Variants in KCNC2 observed in about 807,000 individuals in gnomAD.
The protein encoded by KCNC2 is voltage-gated potassium channel KCNC2.
In KCNC2, 21 loss-of-function variants were observed where a neutral mutation model predicts 44.5. The ratio of observed to expected loss-of-function variants is 0.47; its 90% CI spans 0.33 to 0.68. The LOEUF (loss-of-function observed/expected upper bound fraction) is 0.68, where lower values mean the gene tolerates loss of function less well. KCNC2 is among the 30% of genes least tolerant of loss of function. KCNC2 has a pLI of 0.01. For missense variants in KCNC2, 589 were observed against 826.2 expected, an observed-to-expected ratio of 0.71 and a Z score of 3.52; for synonymous variants, 391 against 339.1, an observed-to-expected ratio of 1.15 and a Z score of -1.68.
At chr12:75,068,273 T>C (rs1182027389) in intron 2 of KCNC2, among the ~76,000 whole-genome samples, 1 of 152,110 alleles carries the variant, frequency 6.6e-6, no homozygotes, top group Non-Finnish European at 1.5e-5. Flanking sequence ...CTATTTTAAG[T>C]GGGGCAGTGA....
intron 2 of KCNC2, among the ~76,000 whole-genome samples, chr12:75,089,443 C>A: frequency 6.6e-6 from 1 of 151,718 alleles, no homozygotes; most frequent in Non-Finnish European, 1.5e-5. Context: ...TTGGGCTCTT[C>A]TTTGAAAGAT....
chr12:75,151,163 C>T (rs1026124639), intron 2 of KCNC2, among the ~76,000 whole-genome samples: 1 of 151,890 alleles, frequency 6.6e-6, no homozygotes, highest in Non-Finnish European at 1.5e-5. Context: ...AATAGAAAAA[C>T]CTTGCACAGA....
Position 75,090,620 on chromosome 12 carries a change from A to G in KCNC2, c.688-39303T>C, listed in dbSNP as rs1885394235. On this transcript the variant is annotated intron_variant, in intron 2 of 4. Transcript: ENST00000549446. ...ATTTTTAAGAAATCTCAATGAACCAATTGTTAGAAGCCTTTTCCAAATACC... is the reference window on the plus strand; with the variant it reads ...ATTTTTAAGAAATCTCAATGAACCAGTTGTTAGAAGCCTTTTCCAAATACC... Among the ~76,000 whole-genome samples the G allele has an allele frequency of 2.0e-5, 3 of 151,692 alleles. No homozygotes were observed. The Admixed American group carries it at 2.0e-4, about 10-fold the overall frequency.
Position 75,042,205 on chromosome 12 carries a change from TA to T in KCNC2, c.*899del. The T allele has an allele frequency of 1.5e-6, 2 of 1,366,088 alleles. No homozygotes were observed. Among genetic ancestry groups the T allele is most frequent in the Admixed American group, 3.2e-5 (1 of 31,446 alleles). The allele number at this position is 1,366,088 out of a possible 1,614,324, so 84.6% of individuals were successfully genotyped here. On this transcript the variant is annotated 3_prime_UTR_variant, in exon 5 of 5. Transcript: ENST00000549446. ...TCTGAAAATGATGACAAACCCTGGGTATTTTTTTTTTTTAAAGAGTCTAGAA... is the reference window on the plus strand; with the variant it reads ...TCTGAAAATGATGACAAACCCTGGGTTTTTTTTTTTTTAAAGAGTCTAGAA...
intron 2 of KCNC2, among the ~76,000 whole-genome samples, chr12:75,188,631 G>A (rs934999759): frequency 2.6e-5 from 4 of 151,920 alleles, no homozygotes; most frequent in African/African-American, 9.7e-5. Context: ...GGAGGCTGAG[G>A]CGGGTGGATC....
chr12:75,156,601 C>T (rs555277215), intron 2 of KCNC2, among the ~76,000 whole-genome samples: 266 of 151,772 alleles, frequency 1.8e-3, no homozygotes, highest in South Asian at 8.5e-3. Flanking sequence ...TTTCTTTCAA[C>T]CTCGGTGTCC....
chr12:75,181,927 T>TTTTTTTTTTTTTTTTTTTTTTTTTTC (rs1892606716), intron 2 of KCNC2, among the ~76,000 whole-genome samples: 1 of 80,302 alleles, frequency 1.2e-5, no homozygotes, highest in Non-Finnish European at 2.4e-5. Flanking sequence ...TTTTTTTTTT[T>TTTTTTTTTTTTTTTTTTTTTTTTTTC]TTTTTTTTTT....
At chr12:75,128,136 G>T (rs1328618977) in intron 2 of KCNC2, among the ~76,000 whole-genome samples, 1 of 152,036 alleles carries the variant, frequency 6.6e-6, no homozygotes, top group Non-Finnish European at 1.5e-5. Flanking sequence ...CTCAGAAGTA[G>T]AAATATATTC....
chr12:75,086,677 A>ATAT (rs1471675084), intron 2 of KCNC2, among the ~76,000 whole-genome samples: 2 of 27,700 alleles, frequency 7.2e-5, no homozygotes, highest in African/African-American at 2.6e-4. Context: ...AAAAAAAAAA[A>ATAT]AAAAATATAT....
chr12:75,149,639 C>T lies in KCNC2; in HGVS notation c.687+57658G>A, dbSNP rs537268852. 4.0e-4 allele frequency among the ~76,000 whole-genome samples: 60 copies of T among 151,538 alleles called. No individual in the cohort carries two copies. In the South Asian group the frequency reaches 0.011, roughly 28 times the overall value. On this transcript the variant is annotated intron_variant, in intron 2 of 4. Transcript: ENST00000549446. The stretch of plus-strand genomic sequence containing the variant: ...TCTTCATTACTGCTCAACATTTATA[C>T]GTTAAATAGCCAATGTTTGTTTTAA...
At chr12:75,135,079 T>C (rs1046038964) in intron 2 of KCNC2, among the ~76,000 whole-genome samples, 1 of 152,020 alleles carries the variant, frequency 6.6e-6, no homozygotes, top group African/African-American at 2.4e-5. Flanking sequence ...ATAGCCCAAG[T>C]CACTAAGCCA....
chr12:75,097,728 G>T (rs1331288148), intron 2 of KCNC2, among the ~76,000 whole-genome samples: 2 of 152,108 alleles, frequency 1.3e-5, no homozygotes, highest in African/African-American at 4.8e-5. Flanking sequence ...CAAGGACTTT[G>T]AAGACAGATA....
Position 75,042,717 on chromosome 12 carries a change from C to T in KCNC2, c.*388G>A, listed in dbSNP as rs1430865901. Reference sequence around the variant, plus strand: ...GCAATCAAGATAGGATCCCAGACATCTTCAGAATGGTTTACAGTCACAAGA... The same window carrying T: ...GCAATCAAGATAGGATCCCAGACATTTTCAGAATGGTTTACAGTCACAAGA... On this transcript the variant is annotated 3_prime_UTR_variant, in exon 5 of 5. Transcript: ENST00000549446. 3.4e-6 allele frequency: 4 copies of T among 1,165,756 alleles called. No homozygotes were observed. Among genetic ancestry groups the T allele is most frequent in the South Asian group, 2.7e-5 (1 of 36,980 alleles). 72.2% of individuals were successfully genotyped at this position (1,165,756 alleles called of 1,614,324 possible).
intron 2 of KCNC2, among the ~76,000 whole-genome samples, chr12:75,136,642 G>GTAATT (rs1889251059): frequency 6.6e-6 from 1 of 151,954 alleles, no homozygotes; most frequent in African/African-American, 2.4e-5. Flanking sequence ...ACCCTGAACA[G>GTAATT]ACCAATAATG....
chr12:75,171,485 C>G (rs558393802), intron 2 of KCNC2, among the ~76,000 whole-genome samples: 9 of 151,822 alleles, frequency 5.9e-5, no homozygotes, highest in Non-Finnish European at 1.0e-4. Context: ...AAATGTATGT[C>G]ACTTGCAACT....
intron 2 of KCNC2, among the ~76,000 whole-genome samples, chr12:75,153,455 G>A (rs1890545013): frequency 6.6e-6 from 1 of 151,750 alleles, no homozygotes; most frequent in Non-Finnish European, 1.5e-5. Flanking sequence ...AGCAGACATA[G>A]GAAACTTGGA....
At chr12:75,133,496 GT>G (rs1425636532) in intron 2 of KCNC2, among the ~76,000 whole-genome samples, 1 of 151,236 alleles carries the variant, frequency 6.6e-6, no homozygotes, top group Admixed American at 6.6e-5. Context: ...TTTAATTTAA[GT>G]TTTTTATAGA....
intron 2 of KCNC2, among the ~76,000 whole-genome samples, chr12:75,173,375 TACA>T (rs1003246168): frequency 6.6e-6 from 1 of 151,872 alleles, no homozygotes; most frequent in Admixed American, 6.6e-5. Flanking sequence ...GAAATTATCT[TACA>T]ACAATTTAAA....
chr12:75,043,387 A>C, intron 4 of KCNC2, 146 bp from the exon 5 acceptor site: 1 of 1,401,266 alleles, frequency 7.1e-7, no homozygotes, highest in Non-Finnish European at 9.3e-7. Context: ...ACAATTTATA[A>C]CTCTAAAAAA....
Sources: gnomAD v4.1 joint callset for allele counts (sites outside exome capture counted in the v4.1 genomes callset) on GRCh38, gnomAD v4.1.1 for gene constraint, MANE v1.5 for transcripts, NCBI Gene and HGNC (gene_info 2026-07-23, HGNC 2026-07-21) for gene names.